PIK3R6: variants seen among roughly 807,000 people sequenced by gnomAD.
The protein encoded by PIK3R6 is phosphoinositide 3-kinase regulatory subunit 6.
Under a neutral mutation model 84.9 loss-of-function variants are expected in PIK3R6, and 91 were observed. That is an observed-to-expected ratio of 1.07 (90% CI 0.90 to 1.28). The LOEUF (loss-of-function observed/expected upper bound fraction) is 1.28, where lower values mean the gene tolerates loss of function less well. PIK3R6 is among the 50% of genes most tolerant of loss of function. The pLI is 0.00. For synonymous variants in PIK3R6, 416 were observed against 411.4 expected, an observed-to-expected ratio of 1.01 and a Z score of -0.13; for missense variants, 996 against 985.1, an observed-to-expected ratio of 1.01 and a Z score of -0.15.
chr17:8,803,240 AT>A lies in PIK3R6; in HGVS notation c.*32del. 3 of 1,610,862 alleles carry A rather than the reference AT, an allele frequency of 1.9e-6. No homozygotes were observed. Among genetic ancestry groups the A allele is most frequent in the East Asian group, 4.5e-5 (2 of 44,832 alleles). On this transcript the variant is annotated 3_prime_UTR_variant, in exon 20 of 20. Transcript: ENST00000619866. The surrounding 1 kb of genome is among the most constrained non-coding windows in gnomAD (Gnocchi z 5.0). ...GTGTTTGGAGTTGGTGGGGTAGTGT[AT>A]CCTTCCTCCTGGGCCTGCTGTCCCT...
chr17:8,856,733 G>A (rs1597440417), intron 1 of PIK3R6, among the ~76,000 whole-genome samples: 1 of 152,144 alleles, frequency 6.6e-6, no homozygotes, highest in African/African-American at 2.4e-5. Context: ...TACAAAAAAA[G>A]TGATATTACT....
chr17:8,826,119 C>T (rs752756169), intron 13 of PIK3R6, among the ~76,000 whole-genome samples: 3 of 152,154 alleles, frequency 2.0e-5, no homozygotes, highest in Non-Finnish European at 4.4e-5. Flanking sequence ...TCTCTTTGTG[C>T]CTCAGCTGCT....
At chr17:8,821,710 C>T in intron 17 of PIK3R6, 136 bp downstream of exon 17, 1 of 923,430 alleles carries the variant, frequency 1.1e-6, no homozygotes, top group South Asian at 1.6e-5. Context: ...AACTTGAAGG[C>T]AGTCACCAAG....
intron 9 of PIK3R6, 58 bp downstream of exon 9, chr17:8,832,831 T>G: frequency 1.2e-6 from 2 of 1,608,450 alleles, no homozygotes; most frequent in South Asian, 2.2e-5. Flanking sequence ...CCCCCTGCTG[T>G]GCAGTGAGCT....
At chr17:8,820,214 T>C (rs1420198659) in intron 17 of PIK3R6, among the ~76,000 whole-genome samples, 1 of 151,576 alleles carries the variant, frequency 6.6e-6, no homozygotes, top group African/African-American at 2.4e-5. Flanking sequence ...CGTCCCTCCC[T>C]GCCAACTAAA....
chr17:8,844,491 T>C lies in PIK3R6; in HGVS notation c.14-4794A>G, dbSNP rs2088769109. On this transcript the variant is annotated intron_variant, in intron 2 of 19. Coordinates refer to ENST00000619866, the MANE Select transcript of PIK3R6 (RefSeq NM_001010855.4). The surrounding 1 kb of genome is among the most constrained non-coding windows in gnomAD (Gnocchi z 4.5). ...ATTGTTCACATATGGTATGCAGGTC[T>C]AACATCCTTGATGACTCGAATAGTC... Among the ~76,000 whole-genome samples the C allele has an allele frequency of 6.6e-6, 1 of 152,220 alleles. No individual in the cohort carries two copies. Among genetic ancestry groups the C allele is most frequent in the Non-Finnish European group, 1.5e-5 (1 of 68,040 alleles).
intron 5 of PIK3R6, 48 bp from the exon 6 acceptor site, chr17:8,836,971 A>G: frequency 1.2e-6 from 1 of 842,824 alleles, no homozygotes; most frequent in Non-Finnish European, 1.7e-6. Flanking sequence ...GGTGGAGGTA[A>G]GAGGGAGGAG....
chr17:8,812,899 G>T (rs2087399551), intron 18 of PIK3R6, among the ~76,000 whole-genome samples: 1 of 151,882 alleles, frequency 6.6e-6, no homozygotes, highest in Admixed American at 6.6e-5. Context: ...ACAAAGATCA[G>T]AGCAGAACTA....
At position 8,803,377 on chromosome 17, in the gene PIK3R6, C is replaced by G; in HGVS notation, c.2161G>C (p.Ala721Pro). ...EPCSGAQKSK[A>P]PWLNLHGQQE... ...TGCCCATGCAAATTGAGCCACGGTG[C>G]CTTGGACTTCTGGGCCCCAGAACAT... Residue 721 changes from alanine to proline, a missense_variant, in exon 20 of 20, where the codon GCA (alanine) becomes CCA (proline). Coordinates refer to ENST00000619866, the MANE Select transcript of PIK3R6 (RefSeq NM_001010855.4). This position sits in a 1 kb window ranked among gnomAD's most constrained non-coding sequence, Gnocchi z 5.0. The G allele has an allele frequency of 6.2e-7, 1 of 1,613,548 alleles. No homozygotes were observed. The highest frequency in any genetic ancestry group is 8.5e-7 in the Non-Finnish European group (1 of 1,179,692).
rs185584745 is a variant in PIK3R6 at position 8,809,571 on chromosome 17, G to A, written c.1996-5418C>T. ...TGAGTTCCAGGCATTAAAGTAGGAG[G>A]ATCACTTGAGTCCAGGAATTTGAGA... On this transcript the variant is annotated intron_variant, in intron 18 of 19. Coordinates refer to ENST00000619866, the MANE Select transcript of PIK3R6 (RefSeq NM_001010855.4). 8.2e-3 allele frequency among the ~76,000 whole-genome samples: 1,252 copies of A among 152,238 alleles called. 17 individuals carry two copies. The highest frequency in any genetic ancestry group is 0.028 in the African/African-American group (1,158 of 41,538).
At chr17:8,804,016 C>A in intron 19 of PIK3R6, 25 bp downstream of exon 19, 5 of 1,591,832 alleles carry the variant, frequency 3.1e-6, no homozygotes, top group Non-Finnish European at 4.3e-6. Context: ...CCCTGGACAT[C>A]TAGGGTTGGC....
At position 8,822,617 on chromosome 17, in the gene PIK3R6, T is replaced by C. The variant is rs2151211771; in HGVS notation, c.1758A>G (p.Pro586=). 6.2e-7 allele frequency: 1 copy of C among 1,614,014 alleles called. No individual in the cohort carries two copies. Among genetic ancestry groups the C allele is most frequent in the East Asian group, 2.2e-5 (1 of 44,878 alleles). The change falls in exon 16 of 20, where the codon CCA becomes CCG. Residue 586 remains proline (P), a synonymous_variant. Coordinates refer to ENST00000619866, the MANE Select transcript of PIK3R6 (RefSeq NM_001010855.4). ...GGTAGCATAGGGAGAGCTCTGCCCCTGGGCCCTCAGCCACGCCTCTCCTCC... is the reference window on the plus strand; with the variant it reads ...GGTAGCATAGGGAGAGCTCTGCCCCCGGGCCCTCAGCCACGCCTCTCCTCC... ...SPRRRGVAEG[P]GAELSLCYQK...
chr17:8,833,549 T>G (rs76453507), intron 8 of PIK3R6, among the ~76,000 whole-genome samples: 5,404 of 150,918 alleles, frequency 0.036, 385 homozygotes, highest in East Asian at 0.3. Flanking sequence ...GACTTTTTTT[T>G]TTTTTTTTTT....
chr17:8,820,504 C>A (rs929858450), intron 17 of PIK3R6, among the ~76,000 whole-genome samples: 2 of 152,136 alleles, frequency 1.3e-5, no homozygotes, highest in Non-Finnish European at 2.9e-5. Flanking sequence ...GAGACCTGCC[C>A]ATCTGGCCCT....
intron 18 of PIK3R6, among the ~76,000 whole-genome samples, chr17:8,814,948 C>A (rs966820553): frequency 2.6e-5 from 4 of 151,962 alleles, no homozygotes; most frequent in Non-Finnish European, 5.9e-5. Flanking sequence ...AAGTCTCATA[C>A]AAAGACTAGG....
At chr17:8,836,979 G>T in intron 5 of PIK3R6, 56 bp from the exon 6 acceptor site, 2 of 1,210,420 alleles carry the variant, frequency 1.7e-6, no homozygotes, top group South Asian at 1.3e-5. Context: ...TAAGAGGGAG[G>T]AGGGGGAGGT....
At chr17:8,863,081 A>C (rs751988658) in intron 1 of PIK3R6, among the ~76,000 whole-genome samples, 1 of 152,160 alleles carries the variant, frequency 6.6e-6, no homozygotes. Flanking sequence ...CAACCAAATA[A>C]TTAAATCGTA....
intron 12 of PIK3R6, 31 bp downstream of exon 12, chr17:8,828,081 C>T (rs888818474): frequency 1.2e-6 from 2 of 1,607,660 alleles, no homozygotes; most frequent in African/African-American, 1.3e-5. Context: ...CCTGTCTCTG[C>T]CCCGCCACCG....
At chr17:8,865,527 C>G (rs892784166) in intron 1 of PIK3R6, among the ~76,000 whole-genome samples, 2 of 152,144 alleles carry the variant, frequency 1.3e-5, no homozygotes, top group African/African-American at 4.8e-5. Context: ...GCCTCTGTTG[C>G]CTCCCCTCTT....
Sources: allele counts gnomAD v4.1 joint callset (sites outside exome capture counted in the v4.1 genomes callset), GRCh38; gene constraint gnomAD v4.1.1; non-coding constraint Gnocchi (gnomAD v3.1); transcripts MANE v1.5; gene names NCBI Gene and HGNC (gene_info 2026-07-23, HGNC 2026-07-21).